The following CACNA2D3 variants were observed in gnomAD, a reference collection of about 807,000 sequenced individuals.
CACNA2D3 encodes the protein voltage-dependent calcium channel subunit alpha-2/delta-3.
In CACNA2D3, 60 loss-of-function variants were observed where a neutral mutation model predicts 160.6. The observed-to-expected ratio is 0.37, with a 90% CI of 0.30 to 0.46. CACNA2D3 has a LOEUF of 0.46. CACNA2D3 is among the 20% of genes least tolerant of loss of function. The probability of loss-of-function intolerance (pLI) is 1.00; values close to 1 mark genes in which losing one functional copy is unlikely to be tolerated. For synonymous variants in CACNA2D3, 558 were observed against 492.9 expected, an observed-to-expected ratio of 1.13 and a Z score of -1.75; for missense variants, 1,205 against 1,365.0, an observed-to-expected ratio of 0.88 and a Z score of 1.85.
intron 27 of CACNA2D3, among the ~76,000 whole-genome samples, chr3:54,948,877 C>T (rs1426692838): frequency 6.6e-6 from 1 of 152,120 alleles, no homozygotes; most frequent in East Asian, 1.9e-4. Flanking sequence ...TAAGCAAAAT[C>T]AGTAAATTAA....
chr3:54,636,888 C>G (rs1336605469), intron 10 of CACNA2D3, among the ~76,000 whole-genome samples: 3 of 151,976 alleles, frequency 2.0e-5, no homozygotes, highest in South Asian at 4.2e-4. Context: ...ATTTGCTGAG[C>G]CTAATCAGTG....
chr3:55,041,408 A>G (rs1703957167), intron 35 of CACNA2D3, among the ~76,000 whole-genome samples: 2 of 152,216 alleles, frequency 1.3e-5, no homozygotes, highest in Non-Finnish European at 2.9e-5. Context: ...GTTACTCTTT[A>G]GACTTGCCAG....
chr3:54,509,466 C>T (rs1218676433), intron 5 of CACNA2D3, among the ~76,000 whole-genome samples: 3 of 152,140 alleles, frequency 2.0e-5, no homozygotes, highest in Non-Finnish European at 4.4e-5. Context: ...TCCTTGTTGT[C>T]TCCCAGCCCT....
chr3:54,541,083 CT>C (rs1420459324), intron 5 of CACNA2D3, among the ~76,000 whole-genome samples: 1 of 151,908 alleles, frequency 6.6e-6, no homozygotes, highest in Non-Finnish European at 1.5e-5. Flanking sequence ...TGAGACCATC[CT>C]GGCTAACATG....
chr3:55,031,777 A>G (rs934240899), intron 35 of CACNA2D3, among the ~76,000 whole-genome samples: 2 of 152,178 alleles, frequency 1.3e-5, no homozygotes, highest in African/African-American at 4.8e-5. Flanking sequence ...ATGGGTGGAG[A>G]GGGTACAAGA....
At chr3:54,205,339 C>T (rs1464060541) in intron 2 of CACNA2D3, among the ~76,000 whole-genome samples, 6 of 152,086 alleles carry the variant, frequency 3.9e-5, no homozygotes, top group Admixed American at 3.3e-4. Context: ...GTGATCCACC[C>T]GCCTTGGCCT....
chr3:54,602,112 T>C (rs1428642172), intron 9 of CACNA2D3, among the ~76,000 whole-genome samples: 9 of 152,200 alleles, frequency 5.9e-5, no homozygotes, highest in African/African-American at 2.2e-4. Context: ...CAAGCCATAG[T>C]TGCCATCAGG....
chr3:54,656,308 C>G lies in CACNA2D3; in HGVS notation c.1167+14067C>G, dbSNP rs76391452. Among the ~76,000 whole-genome samples, 103 of 152,330 alleles carry G rather than the reference C, an allele frequency of 6.8e-4. No individual in the cohort carries two copies. In the East Asian group the frequency reaches 0.019, roughly 28 times the overall value. On this transcript the variant is annotated intron_variant, in intron 11 of 37. Transcript: ENST00000474759. ...TCATTCACTCCCTTGGCAAAACTCT[C>G]CCAGTAAGTGGTTGGATGGGAAGTC... is the stretch of plus-strand genomic sequence containing the variant.
At chr3:54,423,213 G>A (rs1274624797) in intron 4 of CACNA2D3, among the ~76,000 whole-genome samples, 1 of 152,174 alleles carries the variant, frequency 6.6e-6, no homozygotes, top group Non-Finnish European at 1.5e-5. Flanking sequence ...GATCAAAGGG[G>A]ATATGTGCCT....
At chr3:54,487,086 T>A (rs969406437) in intron 4 of CACNA2D3, among the ~76,000 whole-genome samples, 1 of 152,108 alleles carries the variant, frequency 6.6e-6, no homozygotes, top group African/African-American at 2.4e-5. Flanking sequence ...TCACATAACC[T>A]TATACCCACT....
chr3:54,433,512 T>G (rs1700018672), intron 4 of CACNA2D3, among the ~76,000 whole-genome samples: 1 of 152,196 alleles, frequency 6.6e-6, no homozygotes, highest in Non-Finnish European at 1.5e-5. Context: ...TTGGACAACA[T>G]TAGAACATGA....
intron 11 of CACNA2D3, among the ~76,000 whole-genome samples, chr3:54,746,470 C>T (rs970147340): frequency 3.9e-5 from 6 of 152,118 alleles, no homozygotes; most frequent in Admixed American, 1.3e-4. Flanking sequence ...CTGAGTTGGG[C>T]AGTGAGTCCA....
rs532399150 is a variant in CACNA2D3 at position 54,464,418 on chromosome 3, G to A, written c.382-39074G>A. ...CAGGCAGGCCTCCTTGAGCTGTGGT[G>A]GGCTCCACCCAGTTCGAGCTTCCCG... On this transcript the variant is annotated intron_variant, in intron 4 of 37. Transcript: ENST00000474759. 3.5e-4 allele frequency among the ~76,000 whole-genome samples: 53 copies of A among 152,336 alleles called. 1 individual carries two copies. The highest frequency in any genetic ancestry group is 4.1e-4 in the South Asian group (2 of 4,826).
At chr3:55,060,000 A>G (rs1171249474) in intron 35 of CACNA2D3, among the ~76,000 whole-genome samples, 3 of 152,070 alleles carry the variant, frequency 2.0e-5, no homozygotes, top group Non-Finnish European at 4.4e-5. Flanking sequence ...GATAGGGAGC[A>G]TGGTGGATCA....
intron 9 of CACNA2D3, among the ~76,000 whole-genome samples, chr3:54,597,502 C>A (rs1470218439): frequency 6.6e-6 from 1 of 152,116 alleles, no homozygotes; most frequent in African/African-American, 2.4e-5. Flanking sequence ...GGGTGTCTAG[C>A]CCATCGAATG....
chr3:54,582,156 A>G (rs1360349175), intron 9 of CACNA2D3, among the ~76,000 whole-genome samples: 2 of 152,230 alleles, frequency 1.3e-5, no homozygotes, highest in Non-Finnish European at 2.9e-5. Context: ...GCTTACGTTG[A>G]CACTCTTGAA....
intron 4 of CACNA2D3, among the ~76,000 whole-genome samples, chr3:54,499,147 A>G (rs925435481): frequency 3.3e-5 from 5 of 152,110 alleles, no homozygotes; most frequent in African/African-American, 4.8e-5. Flanking sequence ...AACCCCCAAT[A>G]AAAATCCTGA....
chr3:54,761,297 A>G (rs1702075707), intron 12 of CACNA2D3, among the ~76,000 whole-genome samples: 1 of 152,166 alleles, frequency 6.6e-6, no homozygotes, highest in South Asian at 2.1e-4. Context: ...TCATCCCTGT[A>G]TCCTTAAGGT....
chr3:54,643,771 C>G (rs925124116), intron 11 of CACNA2D3, among the ~76,000 whole-genome samples: 2 of 152,190 alleles, frequency 1.3e-5, no homozygotes, highest in African/African-American at 4.8e-5. Flanking sequence ...GAGCGTCTGG[C>G]AGGGCCTAAT....
Sources: gnomAD v4.1 joint callset for allele counts (sites outside exome capture counted in the v4.1 genomes callset) on GRCh38, gnomAD v4.1.1 for gene constraint, MANE v1.5 for transcripts, NCBI Gene and HGNC (gene_info 2026-07-23, HGNC 2026-07-21) for gene names.